AHR: variants seen among roughly 807,000 people sequenced by gnomAD.
AHR encodes AH-receptor.
In AHR, 40 loss-of-function variants were observed where a neutral mutation model predicts 86.8. The ratio of observed to expected loss-of-function variants is 0.46; its 90% CI spans 0.36 to 0.60. The LOEUF (loss-of-function observed/expected upper bound fraction) is 0.60, where lower values mean the gene tolerates loss of function less well. AHR is among the 20% of genes least tolerant of loss of function. The pLI is 0.00. For missense variants in AHR, 1,001 were observed against 1,011.6 expected, an observed-to-expected ratio of 0.99 and a Z score of 0.14; for synonymous variants, 398 against 354.9, an observed-to-expected ratio of 1.12 and a Z score of -1.37.
rs141613170 is a variant in AHR, at chr7:17,315,164, C to T, written c.253+5041C>T. ...CATGAATAAATACAAAGAATAGTAG[C>T]GCATTCTTATTGAATGAATATACAA... On this transcript the variant is annotated intron_variant, in intron 2 of 10. Transcript: ENST00000242057. Among the ~76,000 whole-genome samples the T allele has an allele frequency of 1.8e-3, 279 of 151,978 alleles. 2 individuals are homozygous for T. The highest frequency in any genetic ancestry group is 6.2e-3 in the African/African-American group (259 of 41,506).
At position 17,310,523 on chromosome 7, in the gene AHR, G is replaced by A. The variant is rs545948144; in HGVS notation, c.253+400G>A. Among the ~76,000 whole-genome samples the A allele has an allele frequency of 1.8e-3, 274 of 149,634 alleles. 2 individuals carry two copies. Among genetic ancestry groups the A allele is most frequent in the African/African-American group, 5.8e-3 (235 of 40,798 alleles). On this transcript the variant is annotated intron_variant, in intron 2 of 10. Coordinates refer to ENST00000242057, the MANE Select transcript of AHR (RefSeq NM_001621.5). ...ATTTTATTTATCCCTCCAAACTTAC[G>A]TATATTTCTAATCTTTTTTTTTTTT...
At chr7:17,342,031 C>T (rs527271251) in intron 10 of AHR, among the ~76,000 whole-genome samples, 19 of 152,158 alleles carry the variant, frequency 1.2e-4, no homozygotes, top group Admixed American at 1.2e-3. Context: ...ATGATTTTTA[C>T]TATAGATTTT....
In AHR at chr7:17,328,039, A is replaced by T. The variant is rs1229170014; in HGVS notation, c.450+191A>T. Among the ~76,000 whole-genome samples, 4 of 151,916 alleles carry T rather than the reference A, an allele frequency of 2.6e-5. No homozygotes were observed. In the East Asian group the frequency reaches 7.7e-4, roughly 29 times the overall value. On this transcript the variant is annotated intron_variant, in intron 4 of 10. Coordinates refer to ENST00000242057, the MANE Select transcript of AHR (RefSeq NM_001621.5). ...TATAATTCCTTTAAACCTTTATGTG[A>T]TTCATGGTTACTGTGTTTCTTCTTT...
Position 17,343,185 on chromosome 7 carries a change from T to G in AHR, c.*121T>G. The stretch of plus-strand genomic sequence containing the variant: ...ACATGGAGGCATTGATGCATGCTAT[T>G]CACAATTATTCCAAACCAAATTTTA... On this transcript the variant is annotated 3_prime_UTR_variant, in exon 11 of 11. Coordinates refer to ENST00000242057, the MANE Select transcript of AHR (RefSeq NM_001621.5). 5 of 1,191,360 alleles carry G rather than the reference T, an allele frequency of 4.2e-6. No individual in the cohort carries two copies. The highest frequency in any genetic ancestry group is 6.1e-6 in the Non-Finnish European group (5 of 824,162). The allele number at this position is 1,191,360 out of a possible 1,614,324, so 73.8% of individuals were successfully genotyped here.
rs542065419 is a variant in AHR, at chr7:17,345,761, G to A, written c.*2697G>A. ...ATGTATCTAAGAATAATAAAATCAC[G>A]TTAAACCAAATACACGTTTGTCTGT... is the stretch of plus-strand genomic sequence containing the variant. On this transcript the variant is annotated 3_prime_UTR_variant, in exon 11 of 11. Coordinates refer to ENST00000242057, the MANE Select transcript of AHR (RefSeq NM_001621.5). The A allele has an allele frequency of 7.9e-5, 12 of 152,680 alleles. No homozygotes were observed. Among genetic ancestry groups the A allele is most frequent in the Admixed American group, 3.3e-4 (5 of 15,272 alleles). 9.5% of individuals were successfully genotyped at this position (152,680 alleles called of 1,614,324 possible). A position where few individuals can be genotyped will look rare whatever the true frequency, so the allele number is the denominator to read the frequency against.
chr7:17,343,171 T>C lies in AHR; in HGVS notation c.*107T>C, dbSNP rs1782444650. On this transcript the variant is annotated 3_prime_UTR_variant, in exon 11 of 11. Transcript: ENST00000242057. ...ACGTCAGCAAGTTCACATGGAGGCA[T>C]TGATGCATGCTATTCACAATTATTC... 4.7e-6 allele frequency: 6 copies of C among 1,284,104 alleles called. No individual in the cohort carries two copies. Among genetic ancestry groups the C allele is most frequent in the Non-Finnish European group, 5.6e-6 (5 of 895,472 alleles). 79.5% of individuals were successfully genotyped at this position (1,284,104 alleles called of 1,614,324 possible). A position where few individuals can be genotyped will look rare whatever the true frequency, so the allele number is the denominator to read the frequency against.
Position 17,345,969 on chromosome 7 carries a change from A to G in AHR, c.*2905A>G, listed in dbSNP as rs1056229196. 6.5e-6 allele frequency: 1 copy of G among 152,730 alleles called. No homozygotes were observed. The highest frequency in any genetic ancestry group is 2.4e-5 in the African/African-American group (1 of 41,448). 9.5% of individuals were successfully genotyped at this position (152,730 alleles called of 1,614,324 possible). ...GTATTATGAAGCTTTCAACATTACT[A>G]TGCACAAACTAGTGTTTTTCGATGT... On this transcript the variant is annotated 3_prime_UTR_variant, in exon 11 of 11. Coordinates refer to ENST00000242057, the MANE Select transcript of AHR (RefSeq NM_001621.5).
chr7:17,324,819 A>G (rs967552755), intron 3 of AHR, among the ~76,000 whole-genome samples: 1 of 151,882 alleles, frequency 6.6e-6, no homozygotes, highest in African/African-American at 2.4e-5. Flanking sequence ...AAAAAAATTT[A>G]TTAAAAGTTT....
At position 17,308,267 on chromosome 7, in the gene AHR, A is replaced by C. The variant is rs773912289; in HGVS notation, c.66-1669A>C. Among the ~76,000 whole-genome samples the C allele has an allele frequency of 2.8e-4, 42 of 152,204 alleles. No homozygotes were observed. In the Middle Eastern group the frequency reaches 0.02, roughly 74 times the overall value. On this transcript the variant is annotated intron_variant, in intron 1 of 10. Coordinates refer to ENST00000242057, the MANE Select transcript of AHR (RefSeq NM_001621.5). ...TCCCTTCATGTGGGGGAATTCTTAC[A>C]GTTCACTAATCCTTAGTTATGCCTC...
chr7:17,317,220 G>A (rs1782125051), intron 2 of AHR, among the ~76,000 whole-genome samples: 1 of 147,406 alleles, frequency 6.8e-6, no homozygotes, highest in Non-Finnish European at 1.5e-5. Flanking sequence ...TTTATTTAGA[G>A]ATGGAAATTT....
intron 3 of AHR, among the ~76,000 whole-genome samples, chr7:17,325,857 T>C (rs1782224770): frequency 6.6e-6 from 1 of 152,174 alleles, no homozygotes; most frequent in Non-Finnish European, 1.5e-5. Context: ...CTAGGCTTAA[T>C]ACCTGGGTGA....
intron 1 of AHR, among the ~76,000 whole-genome samples, chr7:17,301,338 T>C (rs991028502): frequency 6.6e-6 from 1 of 152,044 alleles, no homozygotes; most frequent in Admixed American, 6.5e-5. Flanking sequence ...AATGAAGTCA[T>C]TAAACCTAGT....
At chr7:17,311,145 A>G (rs917408461) in intron 2 of AHR, among the ~76,000 whole-genome samples, 6 of 152,204 alleles carry the variant, frequency 3.9e-5, no homozygotes, top group African/African-American at 1.4e-4. Flanking sequence ...TTTTTGATTT[A>G]TCTTTTATCT....
Position 17,343,161 on chromosome 7 carries a change from C to T in AHR, c.*97C>T, listed in dbSNP as rs1782444627. The T allele has an allele frequency of 1.4e-6, 2 of 1,393,530 alleles. No homozygotes were observed. The highest frequency in any genetic ancestry group is 2.3e-5 in the East Asian group (1 of 43,758). The allele number at this position is 1,393,530 out of a possible 1,614,324, so 86.3% of individuals were successfully genotyped here. On this transcript the variant is annotated 3_prime_UTR_variant, in exon 11 of 11. Coordinates refer to ENST00000242057, the MANE Select transcript of AHR (RefSeq NM_001621.5). The stretch of plus-strand genomic sequence containing the variant: ...TCACTGTTGGACGTCAGCAAGTTCA[C>T]ATGGAGGCATTGATGCATGCTATTC...
intron 3 of AHR, among the ~76,000 whole-genome samples, chr7:17,327,081 T>C (rs912959198): frequency 2.0e-5 from 3 of 151,968 alleles, no homozygotes; most frequent in Admixed American, 2.0e-4. Context: ...GGACCCAAAG[T>C]AGGCAAAACA....
chr7:17,343,147 C>T lies in AHR; in HGVS notation c.*83C>T, dbSNP rs1584045264. 1.3e-6 allele frequency: 2 copies of T among 1,499,376 alleles called. No individual in the cohort carries two copies. The highest frequency in any genetic ancestry group is 2.3e-5 in the East Asian group (1 of 44,222). 92.9% of individuals were successfully genotyped at this position (1,499,376 alleles called of 1,614,324 possible). On this transcript the variant is annotated 3_prime_UTR_variant, in exon 11 of 11. Transcript: ENST00000242057. ...GAAAAATAAAACTGTCACTGTTGGA[C>T]GTCAGCAAGTTCACATGGAGGCATT...
At chr7:17,324,509 A>G (rs923592295) in intron 3 of AHR, among the ~76,000 whole-genome samples, 3 of 152,234 alleles carry the variant, frequency 2.0e-5, no homozygotes, top group African/African-American at 7.2e-5. Flanking sequence ...TGTTACAAAA[A>G]TTTTTATTAA....
chr7:17,344,768 T>A lies in AHR; in HGVS notation c.*1704T>A, dbSNP rs1385307647. The A allele has an allele frequency of 6.6e-6, 1 of 152,000 alleles. No homozygotes were observed. The highest frequency in any genetic ancestry group is 2.4e-5 in the African/African-American group (1 of 41,376). The allele number at this position is 152,000 out of a possible 1,614,324, so 9.4% of individuals were successfully genotyped here. Reference sequence around the variant, plus strand: ...CCTCAGCCTCCCGAGTTGCTGGGATTACAGGCATGTGCCACCATGCCCAGC... The same window carrying A: ...CCTCAGCCTCCCGAGTTGCTGGGATAACAGGCATGTGCCACCATGCCCAGC... On this transcript the variant is annotated 3_prime_UTR_variant, in exon 11 of 11. Coordinates refer to ENST00000242057, the MANE Select transcript of AHR (RefSeq NM_001621.5).
chr7:17,339,591 T>G lies in AHR; in HGVS notation c.1766T>G (p.Leu589Ter). Residue 589 changes from leucine to a stop codon, truncating the protein, a stop_gained, in exon 10 of 11, where the codon TTA (leucine) becomes TGA (stop). Coordinates refer to ENST00000242057, the MANE Select transcript of AHR (RefSeq NM_001621.5). LOFTEE classifies it high-confidence loss of function. Reference protein sequence around the residue: ...DEILTYVQDSLSKSPFIPSDY... With the variant: ...DEILTYVQDS The stretch of plus-strand genomic sequence containing the variant: ...ATCCTGACGTATGTCCAAGATTCTT[T>G]AAGTAAGTCTCCCTTCATACCTTCA... 6.2e-7 allele frequency: 1 copy of G among 1,614,184 alleles called. No homozygotes were observed. Among genetic ancestry groups the G allele is most frequent in the Non-Finnish European group, 8.5e-7 (1 of 1,180,040 alleles).
Sources: allele counts gnomAD v4.1 joint callset (sites outside exome capture counted in the v4.1 genomes callset), GRCh38; gene constraint gnomAD v4.1.1; transcripts MANE v1.5; gene names NCBI Gene and HGNC (gene_info 2026-07-23, HGNC 2026-07-21).